LTBP1: variants seen among roughly 807,000 people sequenced by gnomAD.
The protein encoded by LTBP1 is latent transforming growth factor beta binding protein 1.
LTBP1 carries 129 observed loss-of-function variants against 207.6 expected under a neutral mutation model. The observed-to-expected ratio is 0.62, with a 90% CI of 0.54 to 0.72. The LOEUF (loss-of-function observed/expected upper bound fraction) is 0.72. Ranked by LOEUF, LTBP1 falls within the 30% of genes least tolerant of loss-of-function variation. The pLI is 0.00. For missense variants in LTBP1, 2,281 were observed against 2,217.2 expected, an observed-to-expected ratio of 1.03 and a Z score of -0.58; for synonymous variants, 963 against 833.7, an observed-to-expected ratio of 1.16 and a Z score of -2.67.
intron 3 of LTBP1, among the ~76,000 whole-genome samples, chr2:33,057,207 G>C (rs1192385727): frequency 1.3e-5 from 2 of 151,062 alleles, no homozygotes; most frequent in East Asian, 3.9e-4. Flanking sequence ...AGTGCCGATT[G>C]GTGCATCCAC....
intron 7 of LTBP1, among the ~76,000 whole-genome samples, chr2:33,204,570 C>CT (rs11343415): frequency 1.1e-4 from 16 of 149,888 alleles, no homozygotes; most frequent in Non-Finnish European, 1.3e-4. Flanking sequence ...AGATAAGCCT[C>CT]TTTTTTTTTT....
intron 24 of LTBP1, among the ~76,000 whole-genome samples, chr2:33,332,397 AAG>A (rs1180391856): frequency 1.6e-4 from 21 of 129,866 alleles, no homozygotes; most frequent in African/African-American, 5.8e-4. Context: ...AAAAAAAAAA[AAG>A]AGAGAGAGAG....
chr2:33,365,566 T>C, intron 31 of LTBP1, 63 bp downstream of exon 31: 1 of 1,510,088 alleles, frequency 6.6e-7, no homozygotes, highest in South Asian at 1.2e-5. Context: ...TCACCTCCTT[T>C]GTAGCCTGAC....
chr2:33,384,892 G>C (rs1296569811), intron 31 of LTBP1, among the ~76,000 whole-genome samples: 1 of 152,116 alleles, frequency 6.6e-6, no homozygotes, highest in East Asian at 1.9e-4. Flanking sequence ...CCCAGCACAT[G>C]CTAGAAATTT....
chr2:33,274,551 A>G (rs559005869), intron 16 of LTBP1, among the ~76,000 whole-genome samples: 4 of 152,150 alleles, frequency 2.6e-5, no homozygotes, highest in Non-Finnish European at 5.9e-5. Flanking sequence ...CAGAACCTAG[A>G]ATATTAAGTT....
chr2:33,163,300 A>G (rs2084621922), intron 5 of LTBP1, among the ~76,000 whole-genome samples: 1 of 152,188 alleles, frequency 6.6e-6, no homozygotes, highest in Non-Finnish European at 1.5e-5. Context: ...TTAAATTGTC[A>G]CTTGACATTG....
At chr2:33,221,587 G>C (rs926669321) in intron 8 of LTBP1, among the ~76,000 whole-genome samples, 3 of 152,138 alleles carry the variant, frequency 2.0e-5, no homozygotes, top group African/African-American at 7.2e-5. Flanking sequence ...TCATGACTGG[G>C]ATACCCGATC....
chr2:33,173,610 A>G (rs1178195434), intron 5 of LTBP1, among the ~76,000 whole-genome samples: 2 of 131,188 alleles, frequency 1.5e-5, no homozygotes, highest in Non-Finnish European at 3.4e-5. Context: ...TTCTGAAACT[A>G]TTCCAATCAA....
At chr2:33,125,002 G>A (rs1439516584) in intron 4 of LTBP1, among the ~76,000 whole-genome samples, 8 of 152,190 alleles carry the variant, frequency 5.3e-5, no homozygotes. Context: ...TAGGAGTGTT[G>A]TGAGAATGAA....
At chr2:33,255,692 C>T (rs2092830539) in intron 11 of LTBP1, among the ~76,000 whole-genome samples, 1 of 152,078 alleles carries the variant, frequency 6.6e-6, no homozygotes, top group Admixed American at 6.5e-5. Context: ...CCTAGTTAAA[C>T]ATAAGAATGA....
At chr2:33,211,578 C>A (rs1302629103) in intron 7 of LTBP1, among the ~76,000 whole-genome samples, 1 of 152,178 alleles carries the variant, frequency 6.6e-6, no homozygotes, top group African/African-American at 2.4e-5. Context: ...AGTCTAATGA[C>A]TCCAGTCCAG....
chr2:32,988,076 A>G (rs1683868972), intron 2 of LTBP1, among the ~76,000 whole-genome samples: 1 of 152,230 alleles, frequency 6.6e-6, no homozygotes. Context: ...GCAGACACCT[A>G]TAGTGTACCT....
Position 33,051,948 on chromosome 2 carries a change from A to G in LTBP1, c.863+30742A>G, listed in dbSNP as rs150837044. Among the ~76,000 whole-genome samples, 18 of 152,312 alleles carry G rather than the reference A, an allele frequency of 1.2e-4. 1 individual carries two copies. In the East Asian group the frequency reaches 3.3e-3, roughly 28 times the overall value. On this transcript the variant is annotated intron_variant, in intron 3 of 33. Transcript: ENST00000404816. ...CTTTAAAAGTTTTATTTGAATACCG[A>G]TCCATGGTTTGCACAAGCCATTTGA...
At chr2:33,369,223 C>G (rs2095037713) in intron 31 of LTBP1, among the ~76,000 whole-genome samples, 1 of 152,012 alleles carries the variant, frequency 6.6e-6, no homozygotes, top group South Asian at 2.1e-4. Context: ...AGCTTCATTG[C>G]TATACTGTTT....
At chr2:33,105,851 C>T (rs2080036410) in intron 3 of LTBP1, among the ~76,000 whole-genome samples, 1 of 152,082 alleles carries the variant, frequency 6.6e-6, no homozygotes, top group Non-Finnish European at 1.5e-5. Context: ...ATGAAGTTTG[C>T]CACATCAATT....
At chr2:33,066,803 C>G (rs1166590418) in intron 3 of LTBP1, among the ~76,000 whole-genome samples, 2 of 152,170 alleles carry the variant, frequency 1.3e-5, no homozygotes, top group Non-Finnish European at 2.9e-5. Flanking sequence ...CCTTTGTTAT[C>G]CAAGCCAGGA....
chr2:33,086,575 T>C (rs2078765805), intron 3 of LTBP1, among the ~76,000 whole-genome samples: 1 of 152,220 alleles, frequency 6.6e-6, no homozygotes, highest in African/African-American at 2.4e-5. Context: ...TACTAGTGTG[T>C]CGTGTTCTCA....
At chr2:33,113,736 A>G (rs984701132) in intron 4 of LTBP1, among the ~76,000 whole-genome samples, 3 of 152,104 alleles carry the variant, frequency 2.0e-5, no homozygotes, top group African/African-American at 7.2e-5. Context: ...TTCAAAGTTC[A>G]TCCGTGTTGT....
intron 11 of LTBP1, among the ~76,000 whole-genome samples, chr2:33,254,762 A>G (rs1443648788): frequency 1.7e-5 from 1 of 58,024 alleles, no homozygotes; most frequent in Non-Finnish European, 3.0e-5. Flanking sequence ...CCCACCCCAC[A>G]ACAGTCCCCA....
Sources: gnomAD v4.1 joint callset for allele counts (sites outside exome capture counted in the v4.1 genomes callset) on GRCh38, gnomAD v4.1.1 for gene constraint, MANE v1.5 for transcripts, NCBI Gene and HGNC (gene_info 2026-07-23, HGNC 2026-07-21) for gene names.